RUNX1: variants seen among roughly 807,000 people sequenced by gnomAD.
RUNX1 encodes RUNX family transcription factor 1.
A neutral mutation model predicts 42.8 loss-of-function variants in RUNX1; 19 were observed. The observed-to-expected ratio is 0.44, with a 90% CI of 0.31 to 0.65. The LOEUF (loss-of-function observed/expected upper bound fraction) is 0.65. RUNX1 is among the 30% of genes least tolerant of loss of function. The probability of loss-of-function intolerance (pLI) is 0.07; values close to 1 mark genes in which losing one functional copy is unlikely to be tolerated. For synonymous variants in RUNX1, 271 were observed against 289.4 expected (o/e 0.94, Z 0.64); for missense variants, 528 against 672.0 (o/e 0.79, Z 2.37).
intron 2 of RUNX1, among the ~76,000 whole-genome samples, chr21:34,998,764 G>A (rs185594845): frequency 0.014 from 2,061 of 152,178 alleles, 32 homozygotes; most frequent in African/African-American, 0.032. Context: ...GATGGTCTCA[G>A]TCTCCTGACC....
intron 6 of RUNX1, among the ~76,000 whole-genome samples, chr21:34,840,903 AC>A (rs1350215347): frequency 6.6e-6 from 1 of 152,032 alleles, no homozygotes; most frequent in African/African-American, 2.4e-5. Context: ...CTTTCGTGCT[AC>A]CCTACTGACT....
chr21:34,854,042 G>A, intron 6 of RUNX1, among the ~76,000 whole-genome samples: 1 of 152,170 alleles, frequency 6.6e-6, no homozygotes, highest in Non-Finnish European at 1.5e-5. Flanking sequence ...TCCAACTCCT[G>A]ACCTCAAGTG....
chr21:34,809,636 G>A (rs1320385361), intron 7 of RUNX1, among the ~76,000 whole-genome samples: 1 of 152,130 alleles, frequency 6.6e-6, no homozygotes, highest in East Asian at 1.9e-4. Context: ...GTCCAGGCTG[G>A]GCATGGAAGG....
chr21:34,801,922 G>A lies in RUNX1; in HGVS notation c.806-2460C>T, dbSNP rs1349929985. The stretch of plus-strand genomic sequence containing the variant: ...AGGTGAACTCTTGGTCTTTCTGTCT[G>A]GTGAGCAACTGGGTGACATTGGATT... On this transcript the variant is annotated intron_variant, in intron 7 of 8. Transcript: ENST00000675419. Among the ~76,000 whole-genome samples the A allele has an allele frequency of 4.6e-5, 7 of 152,182 alleles. No homozygotes were observed. The East Asian group carries it at 1.3e-3, about 29-fold the overall frequency.
rs187743323 is a variant in RUNX1, at chr21:34,939,928, C to T, written c.59-46965G>A. The stretch of plus-strand genomic sequence containing the variant: ...TTGCGCAACATGTAACCAAGCATGC[C>T]TCTCCCCTTCCTATTTTCTTTTGTT... On this transcript the variant is annotated intron_variant, in intron 2 of 8. Coordinates refer to ENST00000675419, the MANE Select transcript of RUNX1 (RefSeq NM_001754.5). 1.1e-4 allele frequency among the ~76,000 whole-genome samples: 17 copies of T among 152,184 alleles called. No individual in the cohort carries two copies. In the East Asian group the frequency reaches 3.3e-3, roughly 29 times the overall value.
At chr21:34,837,514 C>T (rs529787062) in intron 6 of RUNX1, among the ~76,000 whole-genome samples, 28 of 152,266 alleles carry the variant, frequency 1.8e-4, no homozygotes, top group African/African-American at 5.3e-4. Context: ...TAGGAACTTC[C>T]GATATAAACT....
intron 2 of RUNX1, among the ~76,000 whole-genome samples, chr21:34,896,248 T>A (rs144861021): frequency 1.3e-5 from 2 of 152,264 alleles, no homozygotes; most frequent in Admixed American, 1.3e-4. Context: ...TCAAACTCTA[T>A]GCTAGTTTCA....
At chr21:34,827,071 A>G (rs1305135011) in intron 7 of RUNX1, among the ~76,000 whole-genome samples, 1 of 152,248 alleles carries the variant, frequency 6.6e-6, no homozygotes, top group African/African-American at 2.4e-5. Context: ...GAGTGCTGGT[A>G]GAATGCTGGT....
chr21:34,900,039 T>A (rs928734072), intron 2 of RUNX1, among the ~76,000 whole-genome samples: 7 of 152,106 alleles, frequency 4.6e-5, no homozygotes, highest in African/African-American at 1.4e-4. Flanking sequence ...GCACATCCAA[T>A]AGAAATATAA....
intron 2 of RUNX1, among the ~76,000 whole-genome samples, chr21:34,993,486 T>C (rs1293494837): frequency 1.3e-5 from 2 of 148,452 alleles, no homozygotes; most frequent in African/African-American, 5.1e-5. Context: ...ACAATGTCTG[T>C]TTGTTTGTCC....
chr21:34,889,722 G>A (rs1401217726), intron 3 of RUNX1: 2 of 1,182,346 alleles, frequency 1.7e-6, no homozygotes, highest in African/African-American at 3.3e-5. Flanking sequence ...GCCGGTCCCC[G>A]CGGTGCTGCG....
chr21:34,974,718 G>A (rs1331058974), intron 2 of RUNX1, among the ~76,000 whole-genome samples: 1 of 152,110 alleles, frequency 6.6e-6, no homozygotes, highest in Non-Finnish European at 1.5e-5. Flanking sequence ...GTAGTTCCCT[G>A]GGACTTTTCT....
chr21:35,028,047 T>TC (rs2059249261), intron 2 of RUNX1, among the ~76,000 whole-genome samples: 1 of 152,094 alleles, frequency 6.6e-6, no homozygotes, highest in Non-Finnish European at 1.5e-5. Context: ...AACATAGAGG[T>TC]CCCTCCAGAG....
intron 6 of RUNX1, among the ~76,000 whole-genome samples, chr21:34,854,520 G>A (rs925262223): frequency 6.6e-6 from 1 of 151,682 alleles, no homozygotes; most frequent in African/African-American, 2.4e-5. Flanking sequence ...GGAAGGCGGA[G>A]GTTGCAGTGA....
chr21:34,936,082 A>AC (rs1351886022), intron 2 of RUNX1, among the ~76,000 whole-genome samples: 16 of 148,376 alleles, frequency 1.1e-4, no homozygotes, highest in African/African-American at 2.7e-4. Context: ...AAGCCAGGAG[A>AC]CCCCCCTTCC....
chr21:35,045,208 T>A (rs1483557721), intron 2 of RUNX1, among the ~76,000 whole-genome samples: 2 of 151,482 alleles, frequency 1.3e-5, no homozygotes, highest in Non-Finnish European at 2.9e-5. Context: ...CTTTTTTTTT[T>A]ATAGTTTCAA....
chr21:34,900,252 T>G (rs1468597945), intron 2 of RUNX1, among the ~76,000 whole-genome samples: 1 of 152,230 alleles, frequency 6.6e-6, no homozygotes, highest in Non-Finnish European at 1.5e-5. Context: ...TGTGTGTATT[T>G]TACATTTATA....
chr21:35,032,750 G>T (rs1260241793), intron 2 of RUNX1, among the ~76,000 whole-genome samples: 1 of 152,216 alleles, frequency 6.6e-6, no homozygotes, highest in African/African-American at 2.4e-5. Flanking sequence ...GCTCCTCTCT[G>T]CTCTAATATT....
intron 2 of RUNX1, among the ~76,000 whole-genome samples, chr21:34,908,307 G>A (rs1043299931): frequency 6.6e-6 from 1 of 152,166 alleles, no homozygotes; most frequent in African/African-American, 2.4e-5. Flanking sequence ...TCTTCCTGAA[G>A]TGTCAATCAG....
Sources: allele counts gnomAD v4.1 joint callset (sites outside exome capture counted in the v4.1 genomes callset), GRCh38; gene constraint gnomAD v4.1.1; transcripts MANE v1.5; gene names NCBI Gene and HGNC (gene_info 2026-07-23, HGNC 2026-07-21).